Variants in TET1 observed in about 807,000 individuals in gnomAD.
The protein encoded by TET1 is tet methylcytosine dioxygenase 1.
A neutral mutation model predicts 148.7 loss-of-function variants in TET1; 13 were observed. That is an observed-to-expected ratio of 0.09 (90% CI 0.06 to 0.14). The LOEUF (loss-of-function observed/expected upper bound fraction) is 0.14, where lower values mean the gene tolerates loss of function less well. Ranked by LOEUF, TET1 falls within the 10% of genes least tolerant of loss-of-function variation. TET1 has a pLI of 1.00. For missense variants in TET1, 2,182 were observed against 2,553.8 expected, an observed-to-expected ratio of 0.85 and a Z score of 3.14; for synonymous variants, 907 against 937.2, an observed-to-expected ratio of 0.97 and a Z score of 0.59.
At chr10:68,647,705 T>G (rs984417371) in intron 4 of TET1, among the ~76,000 whole-genome samples, 1 of 152,198 alleles carries the variant, frequency 6.6e-6, no homozygotes, top group Non-Finnish European at 1.5e-5. Context: ...CATTATATTT[T>G]TGTGTGTGTG....
intron 11 of TET1, among the ~76,000 whole-genome samples, chr10:68,687,491 A>G (rs2055531061): frequency 6.6e-6 from 1 of 152,166 alleles, no homozygotes; most frequent in Admixed American, 6.5e-5. Context: ...TTTACCATCA[A>G]TTTAAGCAAT....
rs191082899 is a variant in TET1, at chr10:68,595,263, T to C, written c.1915-5718T>C. ...CATAGTACATGTGTACTTATTCTTA[T>C]TGATTGGAAGTTTATAATAGATGGT... On this transcript the variant is annotated intron_variant, in intron 2 of 11. Transcript: ENST00000373644. Among the ~76,000 whole-genome samples, 253 of 152,258 alleles carry C rather than the reference T, an allele frequency of 1.7e-3. 3 individuals are homozygous for C. The highest frequency in any genetic ancestry group is 0.014 in the Admixed American group (219 of 15,284).
chr10:68,691,011 T>C lies in TET1; in HGVS notation c.5608T>C (p.Cys1870Arg). The change falls in exon 12 of 12, where the codon TGC becomes CGC. Residue 1870 changes from cysteine to arginine, a missense_variant. Around this residue, in one of 11 missense-constraint regions of TET1, gnomAD observed 380 missense variants for 387.9 expected, o/e 0.98. Transcript: ENST00000373644. The surrounding 1 kb of genome is among the most constrained non-coding windows in gnomAD (Gnocchi z 4.4). ...APLKNDATAS[C>R]GFSERSSTPH... ...ACTGAAGAATGACGCAACAGCCTCA[T>C]GCGGGTTTTCAGAAAGAAGCAGCAC... 6.2e-7 allele frequency: 1 copy of C among 1,614,174 alleles called. No individual in the cohort carries two copies. Among genetic ancestry groups the C allele is most frequent in the Middle Eastern group, 1.6e-4 (1 of 6,062 alleles).
chr10:68,641,323 G>C (rs1432466701), intron 3 of TET1, among the ~76,000 whole-genome samples: 1 of 148,718 alleles, frequency 6.7e-6, no homozygotes, highest in Non-Finnish European at 1.5e-5. Context: ...CTGCCTGAGA[G>C]GCAGGGTGTC....
Position 68,614,619 on chromosome 10 carries a change from C to T in TET1, c.1968+13585C>T, listed in dbSNP as rs980389287. ...CTAACCTTCACCTCTTAGGTTCAAG[C>T]GATTCTTGTGCCTCAGCCACCTGAG... On this transcript the variant is annotated intron_variant, in intron 3 of 11. Coordinates refer to ENST00000373644, the MANE Select transcript of TET1 (RefSeq NM_030625.3). Among the ~76,000 whole-genome samples the T allele has an allele frequency of 4.6e-5, 7 of 152,276 alleles. No homozygotes were observed. The East Asian group carries it at 5.8e-4, about 13-fold the overall frequency.
intron 2 of TET1, among the ~76,000 whole-genome samples, chr10:68,584,842 G>A (rs1239386598): frequency 6.7e-6 from 1 of 149,006 alleles, no homozygotes; most frequent in Non-Finnish European, 1.5e-5. Context: ...TTTTTTTTAG[G>A]CAAAATCTCG....
intron 2 of TET1, among the ~76,000 whole-genome samples, chr10:68,598,708 T>C (rs2132864975): frequency 6.6e-6 from 1 of 150,998 alleles, no homozygotes; most frequent in East Asian, 1.9e-4. Context: ...TTCTTTTTTT[T>C]TTTTTTTTGG....
intron 7 of TET1, among the ~76,000 whole-genome samples, chr10:68,669,742 T>C (rs1474842353): frequency 2.7e-5 from 4 of 150,380 alleles, no homozygotes; most frequent in Non-Finnish European, 5.9e-5. Flanking sequence ...CTCCGCCTCC[T>C]GGGTTCAAGC....
intron 3 of TET1, among the ~76,000 whole-genome samples, chr10:68,636,006 C>G (rs905695610): frequency 1.3e-5 from 2 of 152,094 alleles, no homozygotes; most frequent in African/African-American, 2.4e-5. Context: ...CAAGTTAAGT[C>G]TGTGGTATTT....
At chr10:68,602,996 T>C (rs1005076036) in intron 3 of TET1, among the ~76,000 whole-genome samples, 3 of 152,162 alleles carry the variant, frequency 2.0e-5, no homozygotes, top group African/African-American at 7.2e-5. Context: ...TATTATATAA[T>C]CCTATAGAAG....
chr10:68,661,238 C>T (rs543443337), intron 6 of TET1, among the ~76,000 whole-genome samples: 1 of 111,746 alleles, frequency 8.9e-6, no homozygotes, highest in Non-Finnish European at 1.7e-5. Context: ...TTAGTAGAGA[C>T]GGGGTTTCAC....
chr10:68,688,640 G>A (rs750312720), intron 11 of TET1, among the ~76,000 whole-genome samples: 10 of 151,628 alleles, frequency 6.6e-5, no homozygotes, highest in Non-Finnish European at 8.8e-5. Context: ...GGGTTTCACC[G>A]TGTTAGCCAG....
At chr10:68,678,986 G>A (rs1358477882) in intron 8 of TET1, among the ~76,000 whole-genome samples, 1 of 152,014 alleles carries the variant, frequency 6.6e-6, no homozygotes, top group African/African-American at 2.4e-5. Context: ...GACCAGCATG[G>A]CCAACATGGT....
rs1239183066 is a variant in TET1, at chr10:68,646,521, C to T, written c.3792C>T (p.Ser1264=). The change falls in exon 4 of 12, where the codon AGC becomes AGT. Residue 1264 remains serine, a synonymous_variant. Coordinates refer to ENST00000373644, the MANE Select transcript of TET1 (RefSeq NM_030625.3). ...KVKVEPLDSL[S]LFHLKTESNG... is the part of the protein sequence containing the mutation. ...AGGTTGAACCATTGGATTCACTCAG[C>T]TTATTTCATCTTAAAACGGAATCCA... 2 of 1,614,140 alleles carry T rather than the reference C, an allele frequency of 1.2e-6. No individual in the cohort carries two copies. Among genetic ancestry groups the T allele is most frequent in the Admixed American group, 1.7e-5 (1 of 60,012 alleles).
intron 4 of TET1, among the ~76,000 whole-genome samples, chr10:68,649,634 A>G (rs1216985411): frequency 6.6e-6 from 1 of 151,740 alleles, no homozygotes; most frequent in Non-Finnish European, 1.5e-5. Context: ...GGGAGAGAAC[A>G]CTTTTCTAAA....
At chr10:68,593,769 C>T (rs1047750371) in intron 2 of TET1, among the ~76,000 whole-genome samples, 2 of 151,870 alleles carry the variant, frequency 1.3e-5, no homozygotes, top group African/African-American at 2.4e-5. Context: ...CCCGCCACCA[C>T]GCCCAGCTAA....
At chr10:68,582,565 A>T (rs574642206) in intron 2 of TET1, among the ~76,000 whole-genome samples, 2 of 152,184 alleles carry the variant, frequency 1.3e-5, no homozygotes, top group African/African-American at 4.8e-5. Context: ...CTGACTGTCC[A>T]CTATTTTATG....
chr10:68,575,463 G>A (rs1348053064), intron 2 of TET1, among the ~76,000 whole-genome samples: 2 of 151,760 alleles, frequency 1.3e-5, no homozygotes, highest in African/African-American at 4.8e-5. Flanking sequence ...GTAATCCCAG[G>A]ACTTTGGGAG....
chr10:68,620,843 C>T (rs1030158587), intron 3 of TET1, among the ~76,000 whole-genome samples: 2 of 152,116 alleles, frequency 1.3e-5, no homozygotes, highest in African/African-American at 4.8e-5. Context: ...TATTAATGTC[C>T]ATCTTAAAAA....
Sources: allele counts gnomAD v4.1 joint callset (sites outside exome capture counted in the v4.1 genomes callset), GRCh38; gene constraint gnomAD v4.1.1; regional missense constraint gnomAD v4.1.1; non-coding constraint Gnocchi (gnomAD v3.1); transcripts MANE v1.5; gene names NCBI Gene and HGNC (gene_info 2026-07-23, HGNC 2026-07-21).